LGR5: variants seen among roughly 807,000 people sequenced by gnomAD.
LGR5 encodes the protein leucine rich repeat containing G protein-coupled receptor 5.
In LGR5, 54 loss-of-function variants were observed where a neutral mutation model predicts 76.7. The observed-to-expected ratio is 0.70, with a 90% confidence interval of 0.57 to 0.88. The LOEUF (loss-of-function observed/expected upper bound fraction) is 0.88, where lower values mean the gene tolerates loss of function less well. LGR5 is among the 40% of genes least tolerant of loss of function. LGR5 has a pLI of 0.00. For synonymous variants in LGR5, 406 were observed against 421.9 expected (o/e 0.96, Z 0.46); for missense variants, 1,078 against 1,073.3 (o/e 1.00, Z -0.06).
chr12:71,469,762 G>C (rs1452797977), intron 1 of LGR5, among the ~76,000 whole-genome samples: 1 of 152,160 alleles, frequency 6.6e-6, no homozygotes, highest in African/African-American at 2.4e-5. Flanking sequence ...AACAATTAAA[G>C]GCCCAGTGCC....
At chr12:71,567,023 T>C (rs1453973976) in intron 11 of LGR5, 111 bp downstream of exon 11, 2 of 896,940 alleles carry the variant, frequency 2.2e-6, no homozygotes, top group Non-Finnish European at 3.7e-6. Context: ...GTTTTTCCTT[T>C]CAGGTCTGCA....
chr12:71,557,149 G>A (rs1409520260), intron 6 of LGR5, among the ~76,000 whole-genome samples: 1 of 152,156 alleles, frequency 6.6e-6, no homozygotes, highest in African/African-American at 2.4e-5. Context: ...GACTGGGCGT[G>A]GTGACTCATG....
chr12:71,485,366 T>A (rs200351138), intron 1 of LGR5, among the ~76,000 whole-genome samples: 2 of 152,106 alleles, frequency 1.3e-5, no homozygotes, highest in East Asian at 3.9e-4. Flanking sequence ...AATTTAGTGT[T>A]CCAATGTCAG....
In LGR5 at chr12:71,565,306, G is replaced by A. The variant is rs528367506; in HGVS notation, c.858-1098G>A. 9.2e-5 allele frequency among the ~76,000 whole-genome samples: 14 copies of A among 151,632 alleles called. 1 individual carries two copies. In the South Asian group the frequency reaches 2.9e-3, roughly 32 times the overall value. On this transcript the variant is annotated intron_variant, in intron 8 of 17. Coordinates refer to ENST00000266674, the MANE Select transcript of LGR5 (RefSeq NM_003667.4). ...CAGCTTAACAAATTAGAAAATTGAG[G>A]CTCTAGGAGGTAATGAGCTTGCCAA...
intron 2 of LGR5, among the ~76,000 whole-genome samples, chr12:71,507,600 A>G (rs1353567270): frequency 1.3e-5 from 2 of 152,208 alleles, no homozygotes; most frequent in Admixed American, 1.3e-4. Flanking sequence ...GCATTGTTCA[A>G]TAGGTCCAAA....
At chr12:71,559,020 G>A (rs1322282980) in intron 6 of LGR5, among the ~76,000 whole-genome samples, 1 of 152,166 alleles carries the variant, frequency 6.6e-6, no homozygotes, top group Non-Finnish European at 1.5e-5. Context: ...TAGACCAAAT[G>A]TCCTTTCTGA....
chr12:71,534,996 G>A (rs955245610), intron 3 of LGR5, 119 bp from the exon 4 acceptor site: 3 of 612,024 alleles, frequency 4.9e-6, no homozygotes, highest in African/African-American at 3.8e-5. Flanking sequence ...CTCCCCAAAA[G>A]ACAAGACTTT....
chr12:71,500,138 C>T (rs1056517844), intron 1 of LGR5, among the ~76,000 whole-genome samples: 10 of 151,728 alleles, frequency 6.6e-5, no homozygotes. Flanking sequence ...CACATTAATG[C>T]TCAGTTAACA....
chr12:71,494,682 A>G (rs1010701895), intron 1 of LGR5, among the ~76,000 whole-genome samples: 9 of 151,098 alleles, frequency 6.0e-5, no homozygotes, highest in Non-Finnish European at 1.2e-4. Flanking sequence ...CAGGCTCCTT[A>G]GATATTGACA....
At chr12:71,517,140 T>C (rs954634322) in intron 2 of LGR5, among the ~76,000 whole-genome samples, 1 of 152,230 alleles carries the variant, frequency 6.6e-6, no homozygotes, top group African/African-American at 2.4e-5. Context: ...TGTGAACACA[T>C]TTGAAAGCCT....
chr12:71,531,943 A>C (rs540754750), intron 3 of LGR5, among the ~76,000 whole-genome samples: 15 of 152,300 alleles, frequency 9.8e-5, no homozygotes, highest in Admixed American at 2.6e-4. Flanking sequence ...AAAGCAGCAG[A>C]GAAAGTTCGC....
At chr12:71,538,145 C>A (rs958626061) in intron 4 of LGR5, among the ~76,000 whole-genome samples, 2 of 152,134 alleles carry the variant, frequency 1.3e-5, no homozygotes, top group South Asian at 4.1e-4. Context: ...TACAGCAGGC[C>A]TTCTCAACAC....
chr12:71,478,298 A>G (rs182810416), intron 1 of LGR5, among the ~76,000 whole-genome samples: 52 of 152,318 alleles, frequency 3.4e-4, no homozygotes, highest in African/African-American at 1.0e-3. Flanking sequence ...TGAATGTTCT[A>G]TGGCAGACGT....
At chr12:71,469,426 C>T (rs557282666) in intron 1 of LGR5, among the ~76,000 whole-genome samples, 2 of 152,336 alleles carry the variant, frequency 1.3e-5, no homozygotes, top group African/African-American at 4.8e-5. Context: ...TCACTGTGTG[C>T]TGGGCGGGCC....
intron 4 of LGR5, among the ~76,000 whole-genome samples, chr12:71,535,782 C>T (rs925472783): frequency 6.6e-6 from 1 of 152,142 alleles, no homozygotes; most frequent in African/African-American, 2.4e-5. Flanking sequence ...ATTCACACAC[C>T]ACACACAGAC....
At chr12:71,517,154 T>C (rs1875486123) in intron 2 of LGR5, among the ~76,000 whole-genome samples, 1 of 152,244 alleles carries the variant, frequency 6.6e-6, no homozygotes, top group Admixed American at 6.5e-5. Context: ...AAAGCCTGTT[T>C]TATTCCTATG....
intron 2 of LGR5, among the ~76,000 whole-genome samples, chr12:71,522,678 A>G (rs1348659109): frequency 1.3e-5 from 2 of 152,154 alleles, no homozygotes; most frequent in Admixed American, 6.6e-5. Context: ...ACACTTCTTT[A>G]GGTACCACGA....
intron 1 of LGR5, among the ~76,000 whole-genome samples, chr12:71,455,692 C>T (rs1205616649): frequency 2.0e-5 from 3 of 152,116 alleles, no homozygotes; most frequent in Non-Finnish European, 4.4e-5. Flanking sequence ...TTGACTAATT[C>T]CCAGTAGTGC....
At chr12:71,456,987 C>T (rs901992123) in intron 1 of LGR5, among the ~76,000 whole-genome samples, 9 of 152,052 alleles carry the variant, frequency 5.9e-5, no homozygotes, top group African/African-American at 2.2e-4. Context: ...TTCCATACAC[C>T]CCCATCTCAC....
Sources: gnomAD v4.1 joint callset for allele counts (sites outside exome capture counted in the v4.1 genomes callset) on GRCh38, gnomAD v4.1.1 for gene constraint, MANE v1.5 for transcripts, NCBI Gene and HGNC (gene_info 2026-07-23, HGNC 2026-07-21) for gene names.